TMTC1: variants seen among roughly 807,000 people sequenced by gnomAD.
TMTC1 encodes transmembrane O-mannosyltransferase targeting cadherins 1.
TMTC1 carries 73 observed loss-of-function variants against 104.8 expected under a neutral mutation model. The observed-to-expected ratio is 0.70, with a 90% confidence interval of 0.58 to 0.85. The LOEUF (loss-of-function observed/expected upper bound fraction) is 0.85. Among genes scored for constraint, TMTC1 ranks in the 40% least tolerant of loss-of-function variants. The pLI, the probability that TMTC1 is intolerant of heterozygous loss-of-function variation, is 0.00. For synonymous variants in TMTC1, 434 were observed against 428.7 expected, an observed-to-expected ratio of 1.01 and a Z score of -0.15; for missense variants, 1,035 against 1,096.1, an observed-to-expected ratio of 0.94 and a Z score of 0.79.
At chr12:29,638,320 G>A (rs1418503703) in intron 5 of TMTC1, among the ~76,000 whole-genome samples, 1 of 151,996 alleles carries the variant, frequency 6.6e-6, no homozygotes, top group Admixed American at 6.6e-5. Context: ...GCAGACACTG[G>A]CAGGACATTG....
chr12:29,644,404 G>C (rs1824507467), intron 5 of TMTC1, among the ~76,000 whole-genome samples: 1 of 151,498 alleles, frequency 6.6e-6, no homozygotes, highest in Non-Finnish European at 1.5e-5. Context: ...CTACAAATAT[G>C]GTGCAGTGTA....
At chr12:29,702,468 CT>C (rs2136803368) in intron 5 of TMTC1, among the ~76,000 whole-genome samples, 1 of 152,296 alleles carries the variant, frequency 6.6e-6, no homozygotes, top group South Asian at 2.1e-4. Flanking sequence ...GGAGGTTTCC[CT>C]CATTCCCTGG....
rs1341809660 is a variant in TMTC1, at chr12:29,583,592, A to T, written c.1251-18T>A. ...AGCCCATGCTGGAAAACAGGGTGGA[A>T]GGAACGGGATTACTTTGGGGGTGCA... On this transcript the variant is annotated intron_variant, in intron 7 of 17. Coordinates refer to ENST00000539277, the MANE Select transcript of TMTC1 (RefSeq NM_001193451.2). 6.2e-7 allele frequency: 1 copy of T among 1,608,184 alleles called. No individual in the cohort carries two copies. The highest frequency in any genetic ancestry group is 1.7e-5 in the Admixed American group (1 of 59,282).
At chr12:29,663,461 G>C (rs1294235811) in intron 5 of TMTC1, among the ~76,000 whole-genome samples, 2 of 152,042 alleles carry the variant, frequency 1.3e-5, no homozygotes, top group African/African-American at 4.8e-5. Flanking sequence ...ATTAGCAGTG[G>C]TTTTCCTTTC....
Position 29,783,800 on chromosome 12 carries a change from T to G in TMTC1, c.-49A>C. ...CCTGGCCTCTCCCGGGCGTCTGGCA[T>G]CCTCCCCTACCGGGGCCCCGGCGGC... On this transcript the variant is annotated 5_prime_UTR_variant, in exon 1 of 18. The change abolishes an upstream ATG in the 5' untranslated region. Transcript: ENST00000539277. This position sits in a 1 kb window ranked among gnomAD's most constrained non-coding sequence, Gnocchi z 4.7. 1 of 1,122,298 alleles carries G rather than the reference T, an allele frequency of 8.9e-7. No individual in the cohort carries two copies. 69.5% of individuals were successfully genotyped at this position (1,122,298 alleles called of 1,614,324 possible). A position where few individuals can be genotyped will look rare whatever the true frequency, so the allele number is the denominator to read the frequency against.
chr12:29,614,360 A>T (rs1272450257), intron 6 of TMTC1, among the ~76,000 whole-genome samples: 1 of 152,216 alleles, frequency 6.6e-6, no homozygotes, highest in African/African-American at 2.4e-5. Flanking sequence ...ATGGTCACAA[A>T]ATCCTGATGG....
At position 29,518,607 on chromosome 12, in the gene TMTC1, C is replaced by A; in HGVS notation, c.1889G>T (p.Gly630Val). Residue 630 changes from glycine (G) to valine (V), a missense_variant and splice_region_variant, in exon 13 of 18, where the codon GGC becomes GTC. Physicochemically the swap from Gly to Val is moderately radical, Grantham distance 109. Transcript: ENST00000539277. ...NNYGVFLVDT[G>V]LPEKAVAHYQ... ...ATGGGCCACTGCCTTTTCTGGTAAG[C>A]CTGTAACCAGTGACAGGTTGGTAAG... 2 of 1,613,868 alleles carry A rather than the reference C, an allele frequency of 1.2e-6. No homozygotes were observed. Among genetic ancestry groups the A allele is most frequent in the Non-Finnish European group, 1.7e-6 (2 of 1,179,852 alleles).
intron 10 of TMTC1, among the ~76,000 whole-genome samples, chr12:29,546,483 C>T (rs890148776): frequency 4.5e-4 from 69 of 152,232 alleles, no homozygotes; most frequent in African/African-American, 1.6e-3. Context: ...CTGGGACAGA[C>T]CCTGCAGGCC....
chr12:29,635,653 A>C (rs7974681), intron 5 of TMTC1, among the ~76,000 whole-genome samples: 152,270 of 152,314 alleles, frequency 1, 76,113 homozygotes, highest in Non-Finnish European at 1. Context: ...GATGGAAATA[A>C]ACACCATGCC....
intron 9 of TMTC1, among the ~76,000 whole-genome samples, chr12:29,559,341 C>T (rs189869929): frequency 3.3e-5 from 5 of 152,230 alleles, no homozygotes; most frequent in Admixed American, 6.5e-5. Context: ...AAGTTTTAAG[C>T]CCAACTTCCT....
intron 5 of TMTC1, among the ~76,000 whole-genome samples, chr12:29,636,688 C>T (rs763507460): frequency 2.2e-4 from 34 of 151,700 alleles, no homozygotes; most frequent in South Asian, 8.3e-4. Context: ...TGTGGTGGTG[C>T]GTGCCTGTAT....
In TMTC1 at chr12:29,502,604, C is replaced by A. The variant is rs1231702508; in HGVS notation, c.*4242G>T. The A allele has an allele frequency of 6.6e-6, 1 of 152,150 alleles. No homozygotes were observed. Among genetic ancestry groups the A allele is most frequent in the Non-Finnish European group, 1.5e-5 (1 of 68,028 alleles). The allele number at this position is 152,150 out of a possible 1,614,324, so 9.4% of individuals were successfully genotyped here. ...CCAATTGCCACAAGTGCAAAACCAC[C>A]CCACATAACCACCTATTTGTAATCA... On this transcript the variant is annotated 3_prime_UTR_variant, in exon 18 of 18. Transcript: ENST00000539277.
intron 6 of TMTC1, among the ~76,000 whole-genome samples, chr12:29,616,047 C>A (rs1946969756): frequency 6.6e-6 from 1 of 152,160 alleles, no homozygotes; most frequent in Non-Finnish European, 1.5e-5. Context: ...GAATGCCATT[C>A]ATGATACGCC....
At chr12:29,657,173 A>T (rs919444221) in intron 5 of TMTC1, among the ~76,000 whole-genome samples, 1 of 152,228 alleles carries the variant, frequency 6.6e-6, no homozygotes, top group Non-Finnish European at 1.5e-5. Flanking sequence ...TTCAGGAGAC[A>T]AGAAGTCTTG....
At chr12:29,723,552 C>T (rs151106353) in intron 5 of TMTC1, among the ~76,000 whole-genome samples, 1,628 of 152,052 alleles carry the variant, frequency 0.011, 98 homozygotes, top group Admixed American at 0.1. Flanking sequence ...GAGACCCCAT[C>T]TGTACTTTTC....
intron 5 of TMTC1, among the ~76,000 whole-genome samples, chr12:29,742,617 T>C (rs1478131193): frequency 6.6e-6 from 1 of 152,202 alleles, no homozygotes; most frequent in Non-Finnish European, 1.5e-5. Context: ...AATTATTTGT[T>C]TATTAAAGTG....
intron 9 of TMTC1, among the ~76,000 whole-genome samples, chr12:29,566,469 G>T (rs1424037090): frequency 6.6e-6 from 1 of 152,158 alleles, no homozygotes; most frequent in Non-Finnish European, 1.5e-5. Flanking sequence ...CTCCAGCGGG[G>T]CTGGTCTTGA....
intron 9 of TMTC1, among the ~76,000 whole-genome samples, chr12:29,570,564 C>T (rs1179626186): frequency 6.6e-6 from 1 of 152,158 alleles, no homozygotes; most frequent in African/African-American, 2.4e-5. Flanking sequence ...CCATATTAGG[C>T]CAGGTGTGGT....
At chr12:29,691,376 G>A (rs918479339) in intron 5 of TMTC1, among the ~76,000 whole-genome samples, 2 of 151,968 alleles carry the variant, frequency 1.3e-5, no homozygotes, top group Admixed American at 6.6e-5. Flanking sequence ...TCCCCACTTC[G>A]CAAGCCCCTA....
Sources: gnomAD v4.1 joint callset for allele counts (sites outside exome capture counted in the v4.1 genomes callset) on GRCh38, gnomAD v4.1.1 for gene constraint, Gnocchi (gnomAD v3.1) non-coding constraint, MANE v1.5 for transcripts, NCBI Gene and HGNC (gene_info 2026-07-23, HGNC 2026-07-21) for gene names.